INSR: variants seen among roughly 807,000 people sequenced by gnomAD.
INSR encodes IR.
Under a neutral mutation model 142.6 loss-of-function variants are expected in INSR, and 67 were observed. That is an observed-to-expected ratio of 0.47 (90% CI 0.39 to 0.58). INSR has a LOEUF of 0.58. Ranked by LOEUF, INSR falls within the 20% of genes least tolerant of loss-of-function variation. The probability of loss-of-function intolerance (pLI) is 0.00; values close to 1 mark genes in which losing one functional copy is unlikely to be tolerated. For missense variants in INSR, 1,248 were observed against 1,833.2 expected, an observed-to-expected ratio of 0.68 and a Z score of 5.83; for synonymous variants, 756 against 743.1, an observed-to-expected ratio of 1.02 and a Z score of -0.28.
intron 2 of INSR, among the ~76,000 whole-genome samples, chr19:7,204,435 C>T (rs1338925585): frequency 6.6e-6 from 1 of 152,076 alleles, no homozygotes. Context: ...CTCATGGCCT[C>T]GTTTTCCCGG....
chr19:7,119,612 AAG>A lies in INSR; in HGVS notation c.3660-31_3660-30del. On this transcript the variant is annotated intron_variant, in intron 20 of 21. Coordinates refer to ENST00000302850, the MANE Select transcript of INSR (RefSeq NM_000208.4). The surrounding 1 kb of genome is among the most constrained non-coding windows in gnomAD (Gnocchi z 5.2). ...CCGATGACAGTTGATAGTAGTAACA[AAG>A]AAGCCATTTAGACACACACACACAC... The A allele has an allele frequency of 6.2e-7, 1 of 1,613,268 alleles. No homozygotes were observed. Among genetic ancestry groups the A allele is most frequent in the Non-Finnish European group, 8.5e-7 (1 of 1,179,906 alleles).
intron 2 of INSR, among the ~76,000 whole-genome samples, chr19:7,249,635 C>A (rs1467230193): frequency 6.6e-6 from 1 of 151,944 alleles, no homozygotes; most frequent in Non-Finnish European, 1.5e-5. Flanking sequence ...ACTGCTTGAG[C>A]CCTGGAGTTC....
chr19:7,269,967 G>A (rs962748839), intron 1 of INSR, among the ~76,000 whole-genome samples: 1 of 152,016 alleles, frequency 6.6e-6, no homozygotes, highest in Non-Finnish European at 1.5e-5. Context: ...TGGGGTTTTT[G>A]TTGTTGTTGT....
At position 7,115,162 on chromosome 19, in the gene INSR, C is replaced by T. The variant is rs577256636; in HGVS notation, c.*1894G>A. 1.3e-5 allele frequency: 2 copies of T among 152,336 alleles called. No homozygotes were observed. Among genetic ancestry groups the T allele is most frequent in the African/African-American group, 4.8e-5 (2 of 41,570 alleles). 9.4% of individuals were successfully genotyped at this position (152,336 alleles called of 1,614,324 possible). A position where few individuals can be genotyped will look rare whatever the true frequency, so the allele number is the denominator to read the frequency against. On this transcript the variant is annotated 3_prime_UTR_variant, in exon 22 of 22. Transcript: ENST00000302850. Reference sequence around the variant, plus strand: ...CTCTATCCCATTCTTAAGCCCACAACTCTTAAGAGAAGAAGAAAAGGAAGC... The same window carrying T: ...CTCTATCCCATTCTTAAGCCCACAATTCTTAAGAGAAGAAGAAAAGGAAGC...
intron 3 of INSR, among the ~76,000 whole-genome samples, chr19:7,175,129 C>T (rs1974108211): frequency 6.6e-6 from 1 of 152,072 alleles, no homozygotes; most frequent in Non-Finnish European, 1.5e-5. Context: ...CAGGTGTGAG[C>T]CACTGCACCC....
intron 19 of INSR, among the ~76,000 whole-genome samples, chr19:7,121,999 T>C (rs1336735042): frequency 1.3e-5 from 2 of 151,898 alleles, no homozygotes; most frequent in African/African-American, 2.4e-5. Context: ...AAAAAGTAGC[T>C]GGGTGTGGTG....
At position 7,123,002 on chromosome 19, in the gene INSR, C is replaced by G. The variant is rs1176058976; in HGVS notation, c.3259-13G>C. 1.9e-6 allele frequency: 3 copies of G among 1,576,684 alleles called. No individual in the cohort carries two copies. On this transcript the variant is annotated splice_polypyrimidine_tract_variant and intron_variant, in intron 17 of 21. Coordinates refer to ENST00000302850, the MANE Select transcript of INSR (RefSeq NM_000208.4). ...CCAGGAGGCGCACCTGCAGAGCAAGCAACCAGGGTTCTTGGAGGAGGGTCC... is the reference window on the plus strand; with the variant it reads ...CCAGGAGGCGCACCTGCAGAGCAAGGAACCAGGGTTCTTGGAGGAGGGTCC...
At chr19:7,140,870 G>A (rs1025636417) in intron 13 of INSR, among the ~76,000 whole-genome samples, 6 of 150,442 alleles carry the variant, frequency 4.0e-5, no homozygotes, top group East Asian at 1.9e-4. Flanking sequence ...TCTGTGTAAC[G>A]TGCTGAATGT....
chr19:7,137,423 G>C (rs1000095421), intron 13 of INSR, among the ~76,000 whole-genome samples: 1 of 151,984 alleles, frequency 6.6e-6, no homozygotes, highest in Non-Finnish European at 1.5e-5. Context: ...AAAGAAATGA[G>C]GTTTGGAACC....
In INSR at chr19:7,168,190, A is replaced by T; in HGVS notation, c.1484-96T>A. ...CACACTTCCTGGAGGGACCGTGAGA[A>T]GGCAGAGGTGACGCTGCTATTCCCT... On this transcript the variant is annotated intron_variant, in intron 6 of 21. Transcript: ENST00000302850. The surrounding 1 kb of genome is among the most constrained non-coding windows in gnomAD (Gnocchi z 4.3). 7.8e-7 allele frequency: 1 copy of T among 1,278,948 alleles called. No individual in the cohort carries two copies. The highest frequency in any genetic ancestry group is 1.2e-5 in the South Asian group (1 of 82,252). The allele number at this position is 1,278,948 out of a possible 1,614,324, so 79.2% of individuals were successfully genotyped here. A position where few individuals can be genotyped will look rare whatever the true frequency, so the allele number is the denominator to read the frequency against.
In INSR at chr19:7,174,744, CAGAG is replaced by C. The variant is rs746671713; in HGVS notation, c.975-17_975-14del. ...GGTGCACAGCAAGCTAAGGACGGAG[CAGAG>C]AGAGAGAGAAAGAGAAAGGGGAGGG... On this transcript the variant is annotated splice_polypyrimidine_tract_variant and intron_variant, in intron 3 of 21. Transcript: ENST00000302850. 1.9e-5 allele frequency: 31 copies of C among 1,606,722 alleles called. No homozygotes were observed. The highest frequency in any genetic ancestry group is 9.0e-5 in the East Asian group (4 of 44,630).
chr19:7,241,177 G>GT lies in INSR; in HGVS notation c.652+26167dup, dbSNP rs80160830. Among the ~76,000 whole-genome samples the GT allele has an allele frequency of 4.1e-3, 568 of 137,750 alleles. 5 individuals are homozygous for GT. The highest frequency in any genetic ancestry group is 0.036 in the East Asian group (164 of 4,552). The allele number at this position is 137,750 out of a possible 152,430, so 90.4% of individuals were successfully genotyped here. On this transcript the variant is annotated intron_variant, in intron 2 of 21. Coordinates refer to ENST00000302850, the MANE Select transcript of INSR (RefSeq NM_000208.4). ...ACTTATTCACTTTTTATTTTATTTTGTTTTTTTTTTTTTTTTTAAGAGATG... is the reference window on the plus strand; with the variant it reads ...ACTTATTCACTTTTTATTTTATTTTGTTTTTTTTTTTTTTTTTTAAGAGATG...
chr19:7,124,540 GGAAAAAAAAAAAA>G lies in INSR; in HGVS notation c.3258+730_3258+742del, dbSNP rs1972576801. 8.3e-4 allele frequency among the ~76,000 whole-genome samples: 9 copies of G among 10,810 alleles called. 2 individuals carry two copies. Among genetic ancestry groups the G allele is most frequent in the East Asian group, 9.3e-3 (2 of 216 alleles). 7.1% of individuals were successfully genotyped at this position (10,810 alleles called of 152,430 possible). A position where few individuals can be genotyped will look rare whatever the true frequency, so the allele number is the denominator to read the frequency against. ...CACAACAAAGCGAGACTCCGTTTCA[GGAAAAAAAAAAAA>G]AAAAAAAAAAAAAAAAAAAAAAAAA... is the stretch of plus-strand genomic sequence containing the variant. On this transcript the variant is annotated intron_variant, in intron 17 of 21. Coordinates refer to ENST00000302850, the MANE Select transcript of INSR (RefSeq NM_000208.4).
intron 1 of INSR, among the ~76,000 whole-genome samples, chr19:7,269,376 AACACACACAC>A (rs60776874): frequency 0.18 from 24,788 of 134,546 alleles, 2,344 homozygotes; most frequent in Admixed American, 0.28. Flanking sequence ...AAGTCGAGAA[AACACACACAC>A]ACACACACAC....
intron 2 of INSR, among the ~76,000 whole-genome samples, chr19:7,219,452 A>AG (rs1975530085): frequency 7.2e-6 from 1 of 139,218 alleles, no homozygotes; most frequent in African/African-American, 2.6e-5. Context: ...ACAGAGAGAA[A>AG]GAAGAGAGAG....
At chr19:7,130,469 G>C (rs143908532) in intron 14 of INSR, among the ~76,000 whole-genome samples, 70 of 152,326 alleles carry the variant, frequency 4.6e-4, no homozygotes, top group Admixed American at 1.5e-3. Flanking sequence ...TGGAGGAGTG[G>C]CCGGGTGGGA....
chr19:7,251,565 AT>A (rs78569445), intron 2 of INSR, among the ~76,000 whole-genome samples: 26,182 of 148,948 alleles, frequency 0.18, 2,562 homozygotes, highest in African/African-American at 0.22. Context: ...CCGGCCATCA[AT>A]TTTTTTTTTT....
chr19:7,198,135 A>C (rs1008037157), intron 2 of INSR, among the ~76,000 whole-genome samples: 4 of 151,818 alleles, frequency 2.6e-5, no homozygotes, highest in African/African-American at 9.7e-5. Context: ...CTCGAGCCGG[A>C]GGCCTCAGCG....
chr19:7,232,050 T>C (rs369876418), intron 2 of INSR, among the ~76,000 whole-genome samples: 1 of 152,122 alleles, frequency 6.6e-6, no homozygotes, highest in Non-Finnish European at 1.5e-5. Context: ...ACAATGGTGA[T>C]AGTAATCATT....
Sources: allele counts gnomAD v4.1 joint callset (sites outside exome capture counted in the v4.1 genomes callset), GRCh38; gene constraint gnomAD v4.1.1; non-coding constraint Gnocchi (gnomAD v3.1); transcripts MANE v1.5; gene names NCBI Gene and HGNC (gene_info 2026-07-23, HGNC 2026-07-21).